Variants in SLCO6A1 observed in about 807,000 individuals in gnomAD.
SLCO6A1 encodes cancer/testis antigen 48.
Under a neutral mutation model 72.7 loss-of-function variants are expected in SLCO6A1, and 65 were observed. The observed-to-expected ratio is 0.89, with a 90% confidence interval of 0.73 to 1.10. SLCO6A1 has a LOEUF of 1.10. Ranked by LOEUF, SLCO6A1 falls within the 50% of genes least tolerant of loss-of-function variation. The pLI is 0.00. For missense variants in SLCO6A1, 874 were observed against 872.6 expected (o/e 1.00, Z -0.02); for synonymous variants, 314 against 298.2 (o/e 1.05, Z -0.55).
chr5:102,492,646 G>T (rs547372219), intron 1 of SLCO6A1, among the ~76,000 whole-genome samples: 1 of 152,276 alleles, frequency 6.6e-6, no homozygotes, highest in Non-Finnish European at 1.5e-5. Flanking sequence ...GCAAAGGGAA[G>T]CGGTGACAGA....
intron 10 of SLCO6A1, among the ~76,000 whole-genome samples, chr5:102,398,355 T>C (rs1747214681): frequency 6.6e-6 from 1 of 152,110 alleles, no homozygotes; most frequent in Admixed American, 6.6e-5. Context: ...TTTCTGTATT[T>C]TTAGTAGAGA....
At chr5:102,407,897 T>A (rs1343695768) in intron 9 of SLCO6A1, among the ~76,000 whole-genome samples, 1 of 152,136 alleles carries the variant, frequency 6.6e-6, no homozygotes, top group Non-Finnish European at 1.5e-5. Flanking sequence ...AACTCAGCTA[T>A]TACCCTGATT....
chr5:102,432,784 T>C (rs1441146643), intron 7 of SLCO6A1, among the ~76,000 whole-genome samples: 2 of 152,142 alleles, frequency 1.3e-5, no homozygotes, highest in Non-Finnish European at 2.9e-5. Flanking sequence ...TTTGTGAGAG[T>C]TTCCTGCATT....
At chr5:102,495,652 C>A (rs1752877742) in intron 1 of SLCO6A1, among the ~76,000 whole-genome samples, 1 of 151,968 alleles carries the variant, frequency 6.6e-6, no homozygotes, top group African/African-American at 2.4e-5. Context: ...AAATTGATTG[C>A]ACTGTGGTTT....
At chr5:102,463,986 C>A (rs1457492617) in intron 4 of SLCO6A1, among the ~76,000 whole-genome samples, 1 of 151,234 alleles carries the variant, frequency 6.6e-6, no homozygotes, top group African/African-American at 2.4e-5. Context: ...GGGAGCTAAG[C>A]TATGAGCATG....
At chr5:102,497,185 A>G (rs1386063641) in intron 1 of SLCO6A1, among the ~76,000 whole-genome samples, 2 of 152,198 alleles carry the variant, frequency 1.3e-5, no homozygotes, top group African/African-American at 4.8e-5. Flanking sequence ...GGTCAAGTAG[A>G]GAGGCATGCC....
At chr5:102,431,415 T>C (rs1749211181) in intron 7 of SLCO6A1, among the ~76,000 whole-genome samples, 2 of 152,140 alleles carry the variant, frequency 1.3e-5, no homozygotes, top group Admixed American at 6.5e-5. Flanking sequence ...TCCCTCTTCA[T>C]ACTGCCTTAG....
chr5:102,373,234 A>C, intron 13 of SLCO6A1, 103 bp downstream of exon 13: 1 of 705,872 alleles, frequency 1.4e-6, no homozygotes, highest in Non-Finnish European at 1.9e-6. Context: ...AATATATAGA[A>C]TTATATGAAG....
chr5:102,471,851 C>G (rs142565289), intron 4 of SLCO6A1, among the ~76,000 whole-genome samples: 10 of 151,938 alleles, frequency 6.6e-5, no homozygotes, highest in African/African-American at 9.7e-5. Flanking sequence ...TAACAAGGCA[C>G]AGTATAACAT....
chr5:102,489,795 C>A (rs1752594870), intron 1 of SLCO6A1, among the ~76,000 whole-genome samples: 1 of 152,102 alleles, frequency 6.6e-6, no homozygotes, highest in Non-Finnish European at 1.5e-5. Context: ...ATTTGCATCC[C>A]CATGTTTATT....
chr5:102,490,722 T>C (rs183968956), intron 1 of SLCO6A1, among the ~76,000 whole-genome samples: 61 of 152,228 alleles, frequency 4.0e-4, no homozygotes, highest in South Asian at 1.7e-3. Context: ...GTTACAGCTC[T>C]TCAGGTGGCA....
At chr5:102,391,653 T>C (rs1746767594) in intron 10 of SLCO6A1, among the ~76,000 whole-genome samples, 1 of 152,092 alleles carries the variant, frequency 6.6e-6, no homozygotes, top group Non-Finnish European at 1.5e-5. Context: ...TTGTTTCTCT[T>C]CGGGCCTGGA....
chr5:102,459,648 A>G lies in SLCO6A1; in HGVS notation c.1021+8T>C. ...CCTCCAATTTAATAAATTACATTTT[A>G]TAGTCACCTGGCATATTGTTTGGAA... On this transcript the variant is annotated splice_region_variant and intron_variant, in intron 5 of 13. Coordinates refer to ENST00000506729, the MANE Select transcript of SLCO6A1 (RefSeq NM_173488.5). The G allele has an allele frequency of 1.3e-6, 2 of 1,576,794 alleles. No individual in the cohort carries two copies. Among genetic ancestry groups the G allele is most frequent in the Non-Finnish European group, 1.7e-6 (2 of 1,168,862 alleles).
intron 3 of SLCO6A1, among the ~76,000 whole-genome samples, chr5:102,476,648 G>C (rs909626535): frequency 6.6e-6 from 1 of 151,924 alleles, no homozygotes; most frequent in South Asian, 2.1e-4. Context: ...GAGAAACTCA[G>C]TATATAATTC....
At chr5:102,459,960 T>C (rs1405530883) in intron 4 of SLCO6A1, among the ~76,000 whole-genome samples, 183 bp from the exon 5 acceptor site, 1 of 152,170 alleles carries the variant, frequency 6.6e-6, no homozygotes, top group East Asian at 1.9e-4. Flanking sequence ...TAATTGTGAG[T>C]CCCCAATTAT....
At chr5:102,496,501 G>GCTGCCCTCGCCACAAC (rs906534981) in intron 1 of SLCO6A1, among the ~76,000 whole-genome samples, 7 of 152,110 alleles carry the variant, frequency 4.6e-5, no homozygotes, top group African/African-American at 1.7e-4. Context: ...CACTTGTTCA[G>GCTGCCCTCGCCACAAC]AAACCTTCAA....
intron 1 of SLCO6A1, among the ~76,000 whole-genome samples, chr5:102,486,967 A>T (rs1752470959): frequency 6.6e-6 from 1 of 152,188 alleles, no homozygotes; most frequent in Non-Finnish European, 1.5e-5. Context: ...TTCTATTTGA[A>T]GTTCCCGATG....
chr5:102,453,878 T>G (rs141374577), intron 6 of SLCO6A1, among the ~76,000 whole-genome samples: 1 of 152,064 alleles, frequency 6.6e-6, no homozygotes, highest in Non-Finnish European at 1.5e-5. Context: ...CATATTCAAG[T>G]TTCAGGCAGT....
chr5:102,397,665 C>T (rs1482563050), intron 10 of SLCO6A1, among the ~76,000 whole-genome samples: 1 of 152,086 alleles, frequency 6.6e-6, no homozygotes, highest in African/African-American at 2.4e-5. Context: ...AAGACCAAAC[C>T]CTCTCCTTCT....
Sources: allele counts gnomAD v4.1 joint callset (sites outside exome capture counted in the v4.1 genomes callset), GRCh38; gene constraint gnomAD v4.1.1; transcripts MANE v1.5; gene names NCBI Gene and HGNC (gene_info 2026-07-23, HGNC 2026-07-21).